Variants in KCNQ1 observed in about 807,000 individuals in gnomAD.
KCNQ1 encodes potassium voltage-gated channel subfamily Q member 1, also known as potassium voltage-gated channel subfamily KQT member 1.
In KCNQ1, 49 loss-of-function variants were observed where a neutral mutation model predicts 72.4. The observed-to-expected ratio is 0.68, with a 90% CI of 0.54 to 0.86. KCNQ1 has a LOEUF of 0.86. Among genes scored for constraint, KCNQ1 ranks in the 40% least tolerant of loss-of-function variants. The pLI, the probability that KCNQ1 is intolerant of heterozygous loss-of-function variation, is 0.00. For synonymous variants in KCNQ1, 450 were observed against 412.6 expected, an observed-to-expected ratio of 1.09 and a Z score of -1.10; for missense variants, 790 against 945.1, an observed-to-expected ratio of 0.84 and a Z score of 2.15.
Position 2,617,721 on chromosome 11 carries a change from C to G in KCNQ1, c.1393+28867C>G. On this transcript the variant is annotated intron_variant, in intron 10 of 15. Transcript: ENST00000155840. This position sits in a 1 kb window ranked among gnomAD's most constrained non-coding sequence, Gnocchi z 4.6. ...CCTAACCCTAGCCAACACTTAATAG[C>G]TATTCTCATGAGTGTGAGGTGATAT... 1 of 398,514 alleles carries G rather than the reference C, an allele frequency of 2.5e-6. No homozygotes were observed. Among genetic ancestry groups the G allele is most frequent in the Non-Finnish European group, 4.4e-6 (1 of 226,006 alleles). The allele number at this position is 398,514 out of a possible 1,614,324, so 24.7% of individuals were successfully genotyped here. A position where few individuals can be genotyped will look rare whatever the true frequency, so the allele number is the denominator to read the frequency against.
At chr11:2,553,440 C>T (rs767968216) in intron 2 of KCNQ1, among the ~76,000 whole-genome samples, 2 of 151,988 alleles carry the variant, frequency 1.3e-5, no homozygotes, top group Admixed American at 6.6e-5. Context: ...AGTTCCTCCT[C>T]TTCCTGGTTT....
rs55865890 is a variant in KCNQ1 at position 2,501,718 on chromosome 11, C to CAAAAAAAAAAAAAAAA, written c.387-26196_387-26181dup. On this transcript the variant is annotated intron_variant, in intron 1 of 15. Transcript: ENST00000155840. The stretch of plus-strand genomic sequence containing the variant: ...TTACCAAAACCAGACAAAGATACAT[C>CAAAAAAAAAAAAAAAA]AAAAAAAAAAAAAAAAAAAAAAAAA... Among the ~76,000 whole-genome samples the CAAAAAAAAAAAAAAAA allele has an allele frequency of 1.4e-3, 94 of 68,904 alleles. 2 individuals are homozygous for CAAAAAAAAAAAAAAAA. The highest frequency in any genetic ancestry group is 2.2e-3 in the East Asian group (5 of 2,244). The allele number at this position is 68,904 out of a possible 152,430, so 45.2% of individuals were successfully genotyped here. A position where few individuals can be genotyped will look rare whatever the true frequency, so the allele number is the denominator to read the frequency against.
chr11:2,588,950 G>T lies in KCNQ1; in HGVS notation c.1393+96G>T. Reference sequence around the variant, plus strand: ...AGCCAGTGAGTTTCTCCCTTGGGCTGTGGTCTCTGACAACGAGGTATGAAC... The same window carrying T: ...AGCCAGTGAGTTTCTCCCTTGGGCTTTGGTCTCTGACAACGAGGTATGAAC... On this transcript the variant is annotated intron_variant, in intron 10 of 15. Transcript: ENST00000155840. The surrounding 1 kb of genome is among the most constrained non-coding windows in gnomAD (Gnocchi z 5.6). The T allele has an allele frequency of 7.0e-7, 1 of 1,433,354 alleles. No homozygotes were observed. The highest frequency in any genetic ancestry group is 9.6e-7 in the Non-Finnish European group (1 of 1,041,724). 88.8% of individuals were successfully genotyped at this position (1,433,354 alleles called of 1,614,324 possible).
chr11:2,588,688 T>A lies in KCNQ1; in HGVS notation c.1252-25T>A. On this transcript the variant is annotated intron_variant, in intron 9 of 15. Coordinates refer to ENST00000155840, the MANE Select transcript of KCNQ1 (RefSeq NM_000218.3). This position sits in a 1 kb window ranked among gnomAD's most constrained non-coding sequence, Gnocchi z 5.6. ...CTGGCAGACGATGTCCAGGAACCGCTAATCTGTTGTCTTGTTTTTTTTAGG... is the reference window on the plus strand; with the variant it reads ...CTGGCAGACGATGTCCAGGAACCGCAAATCTGTTGTCTTGTTTTTTTTAGG... 6.2e-7 allele frequency: 1 copy of A among 1,612,568 alleles called. No individual in the cohort carries two copies. The highest frequency in any genetic ancestry group is 8.5e-7 in the Non-Finnish European group (1 of 1,179,916).
rs945798520 is a variant in KCNQ1, at chr11:2,559,067, G to C, written c.478-11561G>C. On this transcript the variant is annotated intron_variant, in intron 2 of 15. Transcript: ENST00000155840. The surrounding 1 kb of genome is among the most constrained non-coding windows in gnomAD (Gnocchi z 4.9). ...TCCCAGAGCTACGGACAAGGGGCAA[G>C]GTGGGGCTGGAGGCACCGGCTCAGC... is the stretch of plus-strand genomic sequence containing the variant. 1.3e-5 allele frequency among the ~76,000 whole-genome samples: 2 copies of C among 151,858 alleles called. No homozygotes were observed. The highest frequency in any genetic ancestry group is 4.8e-5 in the African/African-American group (2 of 41,332).
At chr11:2,490,275 A>G (rs1408229609) in intron 1 of KCNQ1, among the ~76,000 whole-genome samples, 1 of 152,222 alleles carries the variant, frequency 6.6e-6, no homozygotes, top group Non-Finnish European at 1.5e-5. Flanking sequence ...CACACCAGGT[A>G]GGTTTCTAAG....
chr11:2,718,380 A>G (rs944234532), intron 11 of KCNQ1, among the ~76,000 whole-genome samples: 3 of 152,048 alleles, frequency 2.0e-5, no homozygotes, highest in Non-Finnish European at 2.9e-5. Context: ...TTTCCACCTC[A>G]GGGCCCCTCC....
At chr11:2,533,138 A>T (rs1847669457) in intron 2 of KCNQ1, among the ~76,000 whole-genome samples, 1 of 152,188 alleles carries the variant, frequency 6.6e-6, no homozygotes, top group African/African-American at 2.4e-5. Context: ...GATCAAAGCG[A>T]TGTGTTCCCA....
Position 2,621,891 on chromosome 11 carries a change from T to C in KCNQ1, c.1393+33037T>C, listed in dbSNP as rs1849178497. On this transcript the variant is annotated intron_variant, in intron 10 of 15. Coordinates refer to ENST00000155840, the MANE Select transcript of KCNQ1 (RefSeq NM_000218.3). This position sits in a 1 kb window ranked among gnomAD's most constrained non-coding sequence, Gnocchi z 5.7. The stretch of plus-strand genomic sequence containing the variant: ...TCTAACTTGTCTCTGTTCTGATCTT[T>C]ATTATTTCCTTCTGTTAACTTTGGC... 5.0e-6 allele frequency: 2 copies of C among 398,396 alleles called. No individual in the cohort carries two copies. Among genetic ancestry groups the C allele is most frequent in the African/African-American group, 2.1e-5 (1 of 48,744 alleles). The allele number at this position is 398,396 out of a possible 1,614,324, so 24.7% of individuals were successfully genotyped here.
In KCNQ1 at chr11:2,673,642, C is replaced by A. The variant is rs1012166852; in HGVS notation, c.1514+11561C>A. 1 of 398,760 alleles carries A rather than the reference C, an allele frequency of 2.5e-6. No homozygotes were observed. 24.7% of individuals were successfully genotyped at this position (398,760 alleles called of 1,614,324 possible). On this transcript the variant is annotated intron_variant, in intron 11 of 15. Transcript: ENST00000155840. This position sits in a 1 kb window ranked among gnomAD's most constrained non-coding sequence, Gnocchi z 4.5. ...CCACCTTGCTACTGCTGATGACCAC[C>A]CTGACTCATGTCCCTTGTCTGCATA...
intron 2 of KCNQ1, 50 bp downstream of exon 2, chr11:2,528,068 T>C: frequency 2.7e-6 from 4 of 1,486,324 alleles, no homozygotes; most frequent in East Asian, 2.3e-5. Context: ...CCTTGGAAGC[T>C]GGCATCTCCC....
Position 2,644,228 on chromosome 11 carries a change from G to GTCACC in KCNQ1, c.1394-17731_1394-17727dup, listed in dbSNP as rs369684558. On this transcript the variant is annotated intron_variant, in intron 10 of 15. Transcript: ENST00000155840. ...CTTCACCTTCTGGGACACTGAAGGT[G>GTCACC]TCACCTTATGGCATCCTATAGTCAC... 742 of 398,474 alleles carry GTCACC rather than the reference G, an allele frequency of 1.9e-3. 3 individuals carry two copies. The highest frequency in any genetic ancestry group is 0.014 in the African/African-American group (666 of 48,724). The allele number at this position is 398,474 out of a possible 1,614,324, so 24.7% of individuals were successfully genotyped here. A position where few individuals can be genotyped will look rare whatever the true frequency, so the allele number is the denominator to read the frequency against.
chr11:2,662,747 TCTGGCTG>T lies in KCNQ1; in HGVS notation c.1514+669_1514+675del, dbSNP rs1217410321. On this transcript the variant is annotated intron_variant, in intron 11 of 15. Coordinates refer to ENST00000155840, the MANE Select transcript of KCNQ1 (RefSeq NM_000218.3). Reference sequence around the variant, plus strand: ...AAGTCCATTCTGGCCACAGTCCCATTCTGGCTGCTAACCCGTTGGGGATTCCCCTTGA... The same window carrying T: ...AAGTCCATTCTGGCCACAGTCCCATTCTAACCCGTTGGGGATTCCCCTTGA... 15 of 399,728 alleles carry T rather than the reference TCTGGCTG, an allele frequency of 3.8e-5. No homozygotes were observed. Among genetic ancestry groups the T allele is most frequent in the East Asian group, 3.6e-4 (10 of 28,086 alleles). The allele number at this position is 399,728 out of a possible 1,614,324, so 24.8% of individuals were successfully genotyped here.
intron 11 of KCNQ1, among the ~76,000 whole-genome samples, chr11:2,719,981 G>A (rs376568662): frequency 1.3e-5 from 2 of 152,234 alleles, no homozygotes; most frequent in South Asian, 2.1e-4. Context: ...CCCCTTGCAC[G>A]CCTGGGCGGA....
At chr11:2,721,548 A>T (rs2133930415) in intron 11 of KCNQ1, among the ~76,000 whole-genome samples, 1 of 152,226 alleles carries the variant, frequency 6.6e-6, no homozygotes, top group Middle Eastern at 3.4e-3. Context: ...ATTTCTAGGG[A>T]TTTACATTCC....
intron 10 of KCNQ1, chr11:2,618,396 C>T (rs1351248206): frequency 1.0e-5 from 4 of 398,574 alleles, no homozygotes; most frequent in Non-Finnish European, 1.3e-5. Flanking sequence ...TACATGTGGT[C>T]TGTGGGCCAT....
In KCNQ1 at chr11:2,600,785, T is replaced by G. The variant is rs552851776; in HGVS notation, c.1393+11931T>G. 3.0e-4 allele frequency among the ~76,000 whole-genome samples: 45 copies of G among 152,224 alleles called. No individual in the cohort carries two copies. The highest frequency in any genetic ancestry group is 9.9e-4 in the African/African-American group (41 of 41,522). ...CTTGTTTAATCTGGAACATTTCTAG[T>G]CTCTTTCTCTGTTATGACACTGATA... On this transcript the variant is annotated intron_variant, in intron 10 of 15. Coordinates refer to ENST00000155840, the MANE Select transcript of KCNQ1 (RefSeq NM_000218.3). The surrounding 1 kb of genome is among the most constrained non-coding windows in gnomAD (Gnocchi z 5.6).
At chr11:2,633,996 G>C (rs973659468) in intron 10 of KCNQ1, 2 of 398,604 alleles carry the variant, frequency 5.0e-6, no homozygotes, top group Non-Finnish European at 8.8e-6. Flanking sequence ...AGAGTCGACT[G>C]TATTTTGATG....
At chr11:2,580,928 C>T (rs1235961757) in intron 6 of KCNQ1, among the ~76,000 whole-genome samples, 5 of 152,330 alleles carry the variant, frequency 3.3e-5, no homozygotes, top group Non-Finnish European at 7.3e-5. Flanking sequence ...TTCTGCAGAG[C>T]GGAGGCAGAG....
Sources: allele counts gnomAD v4.1 joint callset (sites outside exome capture counted in the v4.1 genomes callset), GRCh38; gene constraint gnomAD v4.1.1; non-coding constraint Gnocchi (gnomAD v3.1); transcripts MANE v1.5; gene names NCBI Gene and HGNC (gene_info 2026-07-23, HGNC 2026-07-21).